The following OSBPL10 variants were observed in gnomAD, a reference collection of about 807,000 sequenced individuals.
The protein encoded by OSBPL10 is oxysterol binding protein like 10.
OSBPL10 carries 49 observed loss-of-function variants against 81.7 expected under a neutral mutation model. The observed-to-expected ratio is 0.60, with a 90% CI of 0.48 to 0.76. The LOEUF (loss-of-function observed/expected upper bound fraction) is 0.76. OSBPL10 is among the 30% of genes least tolerant of loss of function. The probability of loss-of-function intolerance (pLI) is 0.00; values close to 1 mark genes in which losing one functional copy is unlikely to be tolerated. For synonymous variants in OSBPL10, 419 were observed against 383.6 expected, an observed-to-expected ratio of 1.09 and a Z score of -1.08; for missense variants, 923 against 987.8, an observed-to-expected ratio of 0.93 and a Z score of 0.88.
intron 1 of OSBPL10, among the ~76,000 whole-genome samples, chr3:31,908,182 G>A: frequency 6.6e-6 from 1 of 152,256 alleles, no homozygotes; most frequent in East Asian, 1.9e-4. Flanking sequence ...GGAAGTGATG[G>A]GAGATGAAGG....
intron 2 of OSBPL10, among the ~76,000 whole-genome samples, chr3:32,008,642 G>C (rs1230825926): frequency 6.6e-6 from 1 of 151,460 alleles, no homozygotes; most frequent in Non-Finnish European, 1.5e-5. Context: ...CCTGGCTACT[G>C]GGGAGGCTGA....
chr3:31,960,101 G>A (rs947769644), intron 1 of OSBPL10: 5 of 152,216 alleles, frequency 3.3e-5, no homozygotes, highest in African/African-American at 1.2e-4. Flanking sequence ...AGGCAGGGAA[G>A]ACTATCTTAG....
chr3:31,680,424 GACTCA>G (rs1357729274), intron 8 of OSBPL10, among the ~76,000 whole-genome samples: 1 of 152,140 alleles, frequency 6.6e-6, no homozygotes, highest in East Asian at 1.9e-4. Flanking sequence ...AATGGCCCCT[GACTCA>G]AGGAGACCCC....
chr3:31,876,903 C>CT (rs35788348), intron 2 of OSBPL10, among the ~76,000 whole-genome samples: 12,774 of 131,698 alleles, frequency 0.097, 789 homozygotes, highest in Middle Eastern at 0.13. Flanking sequence ...TCAAATGGCA[C>CT]TTTTTTTTTT....
rs867753535 is a variant in OSBPL10 at position 31,875,097 on chromosome 3, A to T, written c.537+1336T>A. Among the ~76,000 whole-genome samples the T allele has an allele frequency of 3.6e-3, 546 of 151,500 alleles. 5 individuals are homozygous for T. The highest frequency in any genetic ancestry group is 0.012 in the African/African-American group (516 of 41,396). ...ATATATTAAGTAAAAAAAAAAAAAAAAAAAGGAGAAAACAGTATGCATGTG... is the reference window on the plus strand; with the variant it reads ...ATATATTAAGTAAAAAAAAAAAAAATAAAAGGAGAAAACAGTATGCATGTG... On this transcript the variant is annotated intron_variant, in intron 3 of 11. Transcript: ENST00000396556.
chr3:31,810,451 C>A (rs1340978219), intron 4 of OSBPL10, among the ~76,000 whole-genome samples: 1 of 122,846 alleles, frequency 8.1e-6, no homozygotes, highest in Non-Finnish European at 1.7e-5. Flanking sequence ...ACACAGAACT[C>A]CAAATCTCTA....
At chr3:31,903,930 A>G (rs1696329244) in intron 1 of OSBPL10, among the ~76,000 whole-genome samples, 1 of 152,164 alleles carries the variant, frequency 6.6e-6, no homozygotes, top group Non-Finnish European at 1.5e-5. Context: ...GTGGATTTCT[A>G]CTAAATCCAG....
chr3:31,762,530 T>C (rs1698075285), intron 4 of OSBPL10, among the ~76,000 whole-genome samples: 1 of 151,354 alleles, frequency 6.6e-6, no homozygotes, highest in Non-Finnish European at 1.5e-5. Context: ...TGGAGTACAG[T>C]GGCATGATCA....
At chr3:31,881,230 G>T (rs946583326) in intron 1 of OSBPL10, among the ~76,000 whole-genome samples, 5 of 152,122 alleles carry the variant, frequency 3.3e-5, no homozygotes, top group African/African-American at 1.2e-4. Context: ...CCTCCCCACA[G>T]CGCCCAGCAG....
chr3:31,682,734 C>T (rs1700683649), intron 8 of OSBPL10, among the ~76,000 whole-genome samples: 1 of 152,136 alleles, frequency 6.6e-6, no homozygotes, highest in African/African-American at 2.4e-5. Context: ...TTCATTTCCC[C>T]GTGAGAAAGA....
At chr3:31,907,021 T>G (rs1696427168) in intron 1 of OSBPL10, 1 of 152,180 alleles carries the variant, frequency 6.6e-6, no homozygotes, top group South Asian at 2.1e-4. Flanking sequence ...TCTGAATTAT[T>G]GATGTCATAA....
chr3:31,796,997 T>A (rs1397108724), intron 4 of OSBPL10, among the ~76,000 whole-genome samples: 1 of 143,016 alleles, frequency 7.0e-6, no homozygotes, highest in Non-Finnish European at 1.5e-5. Context: ...TTATTAATTT[T>A]TTTTTTTTTT....
At chr3:31,808,537 A>C (rs1322044109) in intron 4 of OSBPL10, among the ~76,000 whole-genome samples, 1 of 152,214 alleles carries the variant, frequency 6.6e-6, no homozygotes, top group African/African-American at 2.4e-5. Flanking sequence ...CAAATCAATC[A>C]CTAGGCTTGC....
At chr3:31,728,483 T>C (rs1157269657) in intron 6 of OSBPL10, among the ~76,000 whole-genome samples, 2 of 152,170 alleles carry the variant, frequency 1.3e-5, no homozygotes, top group East Asian at 3.8e-4. Flanking sequence ...ATTTTACCCA[T>C]AAAAAATATG....
chr3:31,663,783 C>A, intron 11 of OSBPL10: 1 of 1,315,986 alleles, frequency 7.6e-7, no homozygotes, highest in Non-Finnish European at 9.7e-7. Flanking sequence ...AGTATCCAGT[C>A]TGCAGTCCCA....
At chr3:31,665,156 C>A (rs72857932) in intron 10 of OSBPL10, among the ~76,000 whole-genome samples, 2 of 152,200 alleles carry the variant, frequency 1.3e-5, no homozygotes, top group African/African-American at 4.8e-5. Flanking sequence ...TAACACACAG[C>A]TTTCCTCCTC....
chr3:31,901,163 C>T (rs1365562964), intron 1 of OSBPL10, among the ~76,000 whole-genome samples: 5 of 152,220 alleles, frequency 3.3e-5, no homozygotes, highest in African/African-American at 4.8e-5. Flanking sequence ...ACTTTTCTTG[C>T]TGATCTCCCC....
chr3:31,912,546 G>A (rs575919587), intron 1 of OSBPL10, among the ~76,000 whole-genome samples: 3 of 152,232 alleles, frequency 2.0e-5, no homozygotes, highest in South Asian at 2.1e-4. Flanking sequence ...GGTAAGTTAA[G>A]GCACCCAAGA....
At chr3:32,073,054 A>T (rs539226563) in intron 1 of OSBPL10, among the ~76,000 whole-genome samples, 2 of 152,218 alleles carry the variant, frequency 1.3e-5, no homozygotes, top group South Asian at 4.1e-4. Context: ...CACCTCACCA[A>T]GCTCAGCCTC....
Sources: gnomAD v4.1 joint callset for allele counts (sites outside exome capture counted in the v4.1 genomes callset) on GRCh38, gnomAD v4.1.1 for gene constraint, MANE v1.5 for transcripts, NCBI Gene and HGNC (gene_info 2026-07-23, HGNC 2026-07-21) for gene names.